GPHN: variants seen among roughly 807,000 people sequenced by gnomAD.
GPHN encodes gephyrin.
In GPHN, 17 loss-of-function variants were observed where a neutral mutation model predicts 95.5. The ratio of observed to expected loss-of-function variants is 0.18; its 90% confidence interval spans 0.12 to 0.27. The LOEUF is 0.27. Among genes scored for constraint, GPHN ranks in the 10% least tolerant of loss-of-function variants. The pLI, the probability that GPHN is intolerant of heterozygous loss-of-function variation, is 1.00. For synonymous variants in GPHN, 320 were observed against 322.5 expected, an observed-to-expected ratio of 0.99 and a Z score of 0.08; for missense variants, 660 against 978.1, an observed-to-expected ratio of 0.67 and a Z score of 4.34.
the GPHN span, among the ~76,000 whole-genome samples, chr14:67,555,442 G>C: frequency 6.6e-6 from 1 of 152,184 alleles, no homozygotes; most frequent in Admixed American, 6.5e-5. Context: ...CAGCAGCATG[G>C]CCCCACCTTC....
the GPHN span, chr14:67,292,729 C>A: frequency 6.2e-7 from 1 of 1,605,370 alleles, no homozygotes; most frequent in East Asian, 2.2e-5. Context: ...GGTATGTATT[C>A]TAAACATCTT....
At chr14:67,240,472 G>A in the GPHN span, among the ~76,000 whole-genome samples, 4 of 152,236 alleles carry the variant, frequency 2.6e-5, no homozygotes, top group South Asian at 2.1e-4. Context: ...TGTGCCCCCG[G>A]GCTGGAGTCA....
At chr14:66,865,494 C>T (rs2063190208) in intron 4 of GPHN, among the ~76,000 whole-genome samples, 1 of 151,964 alleles carries the variant, frequency 6.6e-6, no homozygotes, top group African/African-American at 2.4e-5. Context: ...AAAATTAAAA[C>T]CAGGAAAGAA....
At chr14:67,189,950 C>G in the GPHN span, among the ~76,000 whole-genome samples, 1 of 148,910 alleles carries the variant, frequency 6.7e-6, no homozygotes, top group African/African-American at 2.5e-5. Context: ...AAGTGATTCT[C>G]CTGCCTCAGC....
At chr14:67,239,841 G>C in the GPHN span, among the ~76,000 whole-genome samples, 1 of 152,194 alleles carries the variant, frequency 6.6e-6, no homozygotes, top group Non-Finnish European at 1.5e-5. Context: ...GGGCAAAAGA[G>C]CGAAACTCCG....
At chr14:67,393,220 G>A in the GPHN span, 73 of 1,613,520 alleles carry the variant, frequency 4.5e-5, no homozygotes, top group Admixed American at 3.3e-5. Flanking sequence ...TGTTGCTATC[G>A]TGCATCTTGT....
At chr14:67,389,397 G>A in the GPHN span, among the ~76,000 whole-genome samples, 1 of 152,056 alleles carries the variant, frequency 6.6e-6, no homozygotes, top group Non-Finnish European at 1.5e-5. Flanking sequence ...AGCCTAAACA[G>A]GAGGAAGAGT....
At chr14:67,161,766 A>T (rs2081994318) in intron 19 of GPHN, among the ~76,000 whole-genome samples, 1 of 152,138 alleles carries the variant, frequency 6.6e-6, no homozygotes, top group Non-Finnish European at 1.5e-5. Flanking sequence ...AAAAAAAATT[A>T]ATTGATTGTT....
intron 11 of GPHN, among the ~76,000 whole-genome samples, chr14:67,070,715 A>AAAAATATATATATATATATATAT: frequency 6.2e-5 from 5 of 80,690 alleles, no homozygotes; most frequent in East Asian, 9.1e-4. Flanking sequence ...AAAAAAAAAA[A>AAAAATATATATATATATATATAT]ATATATATAT....
chr14:67,013,869 A>T (rs1489514275), intron 9 of GPHN, among the ~76,000 whole-genome samples: 1 of 152,064 alleles, frequency 6.6e-6, no homozygotes, highest in Non-Finnish European at 1.5e-5. Flanking sequence ...AGTATTTCAA[A>T]CTTCATGCTT....
At chr14:67,625,495 G>A in the GPHN span, among the ~76,000 whole-genome samples, 1 of 151,824 alleles carries the variant, frequency 6.6e-6, no homozygotes, top group Non-Finnish European at 1.5e-5. Context: ...CCTCAACATG[G>A]AGAAACCCCA....
intron 4 of GPHN, among the ~76,000 whole-genome samples, chr14:66,857,221 CATT>C (rs746032747): frequency 4.6e-5 from 7 of 152,014 alleles, no homozygotes; most frequent in South Asian, 2.1e-4. Context: ...GTCCAAAGTA[CATT>C]ATATCAGAGC....
At chr14:66,593,968 ATAAAGT>A (rs2061868046) in intron 1 of GPHN, among the ~76,000 whole-genome samples, 1 of 152,242 alleles carries the variant, frequency 6.6e-6, no homozygotes, top group South Asian at 2.1e-4. Context: ...AATAAATTCC[ATAAAGT>A]TGTAGATTAC....
At chr14:66,748,981 C>A (rs181792467) in intron 2 of GPHN, among the ~76,000 whole-genome samples, 1 of 151,936 alleles carries the variant, frequency 6.6e-6, no homozygotes, top group Non-Finnish European at 1.5e-5. Context: ...GTTCCACTGC[C>A]CTAAAAATCC....
chr14:67,678,473 G>T, the GPHN span: 2 of 1,251,192 alleles, frequency 1.6e-6, no homozygotes, highest in Admixed American at 3.4e-5. Context: ...AATGAAGTCT[G>T]CCATCTGCCA....
chr14:67,389,538 C>T, the GPHN span, among the ~76,000 whole-genome samples: 1 of 152,210 alleles, frequency 6.6e-6, no homozygotes, highest in East Asian at 1.9e-4. Flanking sequence ...CTCTTCTGCA[C>T]TGTTTCCATC....
chr14:67,410,911 T>G, the GPHN span, among the ~76,000 whole-genome samples: 25 of 152,022 alleles, frequency 1.6e-4, no homozygotes, highest in Admixed American at 1.3e-3. Flanking sequence ...CTTGGGAGGC[T>G]AAGGTGGGCA....
At chr14:67,068,291 G>T (rs1286288830) in intron 11 of GPHN, among the ~76,000 whole-genome samples, 1 of 152,134 alleles carries the variant, frequency 6.6e-6, no homozygotes, top group Non-Finnish European at 1.5e-5. Context: ...TTTGACTACC[G>T]ATGAATTTTC....
the GPHN span, among the ~76,000 whole-genome samples, chr14:67,324,985 A>T: frequency 7.0e-6 from 1 of 143,658 alleles, no homozygotes; most frequent in Non-Finnish European, 1.5e-5. Flanking sequence ...GCTGACTGCA[A>T]GCTCCGCCTC....
Sources: allele counts gnomAD v4.1 joint callset (sites outside exome capture counted in the v4.1 genomes callset), GRCh38; gene constraint gnomAD v4.1.1; transcripts MANE v1.5; gene names NCBI Gene and HGNC (gene_info 2026-07-23, HGNC 2026-07-21).